Variants in GALNT14 observed in about 807,000 individuals in gnomAD.
GALNT14 encodes UDP-GalNAc:polypeptide N-acetylgalactosaminyltransferase 14.
GALNT14 carries 60 observed loss-of-function variants against 77.5 expected under a neutral mutation model. The ratio of observed to expected loss-of-function variants is 0.77; its 90% CI spans 0.63 to 0.96. The LOEUF (loss-of-function observed/expected upper bound fraction) is 0.96, where lower values mean the gene tolerates loss of function less well. GALNT14 is among the 40% of genes least tolerant of loss of function. GALNT14 has a pLI of 0.00. For missense variants in GALNT14, 710 were observed against 731.0 expected, an observed-to-expected ratio of 0.97 and a Z score of 0.33; for synonymous variants, 280 against 281.7, an observed-to-expected ratio of 0.99 and a Z score of 0.06.
rs371052366 is a variant in GALNT14, at chr2:30,993,012, G to A, written c.130-5C>T. ...GTCCCAGTCAGCGTCCGAAGGCTGC[G>A]TGACACGAATGGGAAGTCTGTGAGA... On this transcript the variant is annotated splice_polypyrimidine_tract_variant and splice_region_variant and intron_variant, in intron 1 of 14. Transcript: ENST00000349752. 7 of 1,613,690 alleles carry A rather than the reference G, an allele frequency of 4.3e-6. No homozygotes were observed. Among genetic ancestry groups the A allele is most frequent in the South Asian group, 1.1e-5 (1 of 91,002 alleles).
At chr2:31,037,037 T>C (rs1442011433) in intron 1 of GALNT14, among the ~76,000 whole-genome samples, 1 of 152,182 alleles carries the variant, frequency 6.6e-6, no homozygotes, top group South Asian at 2.1e-4. Context: ...TTTCATAAAT[T>C]TGAGGAGTGT....
chr2:31,055,778 C>G (rs1356703422), intron 1 of GALNT14, among the ~76,000 whole-genome samples: 1 of 152,176 alleles, frequency 6.6e-6, no homozygotes, highest in Non-Finnish European at 1.5e-5. Flanking sequence ...CCTGCTAGTA[C>G]GGTGACTGGC....
At chr2:30,958,653 A>G (rs1402398809) in intron 3 of GALNT14, among the ~76,000 whole-genome samples, 189 bp from the exon 4 acceptor site, 3 of 152,108 alleles carry the variant, frequency 2.0e-5, no homozygotes, top group African/African-American at 4.8e-5. Flanking sequence ...CTTAGTGAAT[A>G]CCTCCACCAC....
At chr2:31,120,155 C>CAAAAAAAAAAAAAAAAAA (rs753835346) in intron 1 of GALNT14, among the ~76,000 whole-genome samples, 1 of 66,786 alleles carries the variant, frequency 1.5e-5, no homozygotes, top group Non-Finnish European at 3.1e-5. Flanking sequence ...GACTCCGTCT[C>CAAAAAAAAAAAAAAAAAA]AAAAAAAAAA....
intron 1 of GALNT14, among the ~76,000 whole-genome samples, chr2:31,048,622 C>T (rs904946382): frequency 1.3e-5 from 2 of 151,374 alleles, no homozygotes; most frequent in South Asian, 2.1e-4. Flanking sequence ...CCTCCCCTGC[C>T]TCCCCGCAGC....
intron 3 of GALNT14, among the ~76,000 whole-genome samples, chr2:30,962,709 G>C (rs1327399616): frequency 1.3e-5 from 2 of 152,200 alleles, no homozygotes; most frequent in African/African-American, 4.8e-5. Context: ...CTAGTCCCCA[G>C]CTAACTCCAG....
At chr2:31,137,857 A>G in intron 1 of GALNT14, 101 bp downstream of exon 1, 1 of 1,446,202 alleles carries the variant, frequency 6.9e-7, no homozygotes, top group African/African-American at 1.4e-5. Context: ...CAGCACCCAG[A>G]CCCTCGCCCT....
At chr2:30,945,006 C>A in intron 7 of GALNT14, 64 bp from the exon 8 acceptor site, 1 of 1,407,206 alleles carries the variant, frequency 7.1e-7, no homozygotes, top group Non-Finnish European at 9.7e-7. Flanking sequence ...TCTGCACCCT[C>A]TCCAGAAGGT....
At position 31,121,444 on chromosome 2, in the gene GALNT14, C is replaced by A. The variant is rs908417112; in HGVS notation, c.129+16514G>T. 2.6e-5 allele frequency among the ~76,000 whole-genome samples: 4 copies of A among 152,192 alleles called. 1 individual carries two copies. The highest frequency in any genetic ancestry group is 4.4e-5 in the Non-Finnish European group (3 of 68,038). ...AATGGACATACTATAGACAATAAAA[C>A]CCTTAAACCCAAAACATTTACTGAA... is the stretch of plus-strand genomic sequence containing the variant. On this transcript the variant is annotated intron_variant, in intron 1 of 14. Coordinates refer to ENST00000349752, the MANE Select transcript of GALNT14 (RefSeq NM_024572.4).
intron 1 of GALNT14, among the ~76,000 whole-genome samples, chr2:31,102,229 T>C (rs957902725): frequency 4.6e-5 from 7 of 152,166 alleles, no homozygotes; most frequent in Non-Finnish European, 1.0e-4. Flanking sequence ...TATTCTGATA[T>C]AGCTTCTTGA....
At chr2:30,987,214 C>T (rs375627795) in intron 2 of GALNT14, among the ~76,000 whole-genome samples, 8 of 152,118 alleles carry the variant, frequency 5.3e-5, no homozygotes, top group Admixed American at 1.3e-4. Context: ...TACAGGCTGA[C>T]GACAGAGGTT....
At chr2:30,923,883 T>C (rs1459531683) in intron 13 of GALNT14, among the ~76,000 whole-genome samples, 1 of 152,168 alleles carries the variant, frequency 6.6e-6, no homozygotes, top group African/African-American at 2.4e-5. Context: ...GGCAATTTCC[T>C]ATAGGCAGGA....
intron 3 of GALNT14, among the ~76,000 whole-genome samples, chr2:30,962,549 G>A (rs1181252330): frequency 6.6e-6 from 1 of 152,220 alleles, no homozygotes; most frequent in Non-Finnish European, 1.5e-5. Flanking sequence ...ACTGCATCAG[G>A]AGTCAAGATA....
intron 1 of GALNT14, among the ~76,000 whole-genome samples, chr2:31,035,733 T>C (rs1201800847): frequency 6.6e-6 from 1 of 151,412 alleles, no homozygotes; most frequent in Non-Finnish European, 1.5e-5. Flanking sequence ...CCAGAGGCCA[T>C]TATCCTTAGC....
In GALNT14 at chr2:31,138,220, C is replaced by G; in HGVS notation, c.-134G>C. On this transcript the variant is annotated 5_prime_UTR_variant, in exon 1 of 15. Transcript: ENST00000349752. ...TAGACCCAGGATCCGGTTGGAGGGG[C>G]GGCAGGATCCTGCAAGGCGCCCTTC... 5 of 1,117,940 alleles carry G rather than the reference C, an allele frequency of 4.5e-6. No individual in the cohort carries two copies. The highest frequency in any genetic ancestry group is 6.3e-6 in the Non-Finnish European group (5 of 787,724). 69.3% of individuals were successfully genotyped at this position (1,117,940 alleles called of 1,614,324 possible). A position where few individuals can be genotyped will look rare whatever the true frequency, so the allele number is the denominator to read the frequency against.
chr2:31,077,536 T>C (rs1675877874), intron 1 of GALNT14, among the ~76,000 whole-genome samples: 1 of 152,196 alleles, frequency 6.6e-6, no homozygotes, highest in South Asian at 2.1e-4. Context: ...CCAAAGATAC[T>C]AGTCTCATCT....
chr2:31,135,672 T>G (rs1679198181), intron 1 of GALNT14, among the ~76,000 whole-genome samples: 1 of 152,196 alleles, frequency 6.6e-6, no homozygotes, highest in African/African-American at 2.4e-5. Context: ...ACCTCCTCTT[T>G]TGTGACTGCA....
chr2:31,044,450 T>A (rs1673299229), intron 1 of GALNT14, among the ~76,000 whole-genome samples: 1 of 152,218 alleles, frequency 6.6e-6, no homozygotes, highest in Non-Finnish European at 1.5e-5. Flanking sequence ...TTAAGTGTCC[T>A]CTGTGCCTAG....
rs773182434 is a variant in GALNT14, at chr2:31,095,801, C to T, written c.129+42157G>A. Among the ~76,000 whole-genome samples, 6 of 152,296 alleles carry T rather than the reference C, an allele frequency of 3.9e-5. No homozygotes were observed. In the East Asian group the frequency reaches 9.6e-4, roughly 24 times the overall value. On this transcript the variant is annotated intron_variant, in intron 1 of 14. Transcript: ENST00000349752. ...AAAGTCTCTCTGTGTGCCTAGTTTT[C>T]TCATTTGTAAAATCTGAGAAATGGT... is the stretch of plus-strand genomic sequence containing the variant.
Sources: gnomAD v4.1 joint callset for allele counts (sites outside exome capture counted in the v4.1 genomes callset) on GRCh38, gnomAD v4.1.1 for gene constraint, MANE v1.5 for transcripts, NCBI Gene and HGNC (gene_info 2026-07-23, HGNC 2026-07-21) for gene names.